Variants in STK32B observed in about 807,000 individuals in gnomAD.
STK32B encodes serine/threonine kinase 32B.
Under a neutral mutation model 52.6 loss-of-function variants are expected in STK32B, and 43 were observed. That is an observed-to-expected ratio of 0.82 (90% CI 0.64 to 1.05). The LOEUF (loss-of-function observed/expected upper bound fraction) is 1.05, where lower values mean the gene tolerates loss of function less well. Ranked by LOEUF, STK32B falls within the 50% of genes least tolerant of loss-of-function variation. The pLI, the probability that STK32B is intolerant of heterozygous loss-of-function variation, is 0.00. For missense variants in STK32B, 621 were observed against 534.6 expected (o/e 1.16, Z -1.59); for synonymous variants, 238 against 204.3 (o/e 1.17, Z -1.41).
At chr4:5,301,739 C>A (rs567398717) in intron 3 of STK32B, among the ~76,000 whole-genome samples, 2 of 121,134 alleles carry the variant, frequency 1.7e-5, no homozygotes, top group South Asian at 2.6e-4. Context: ...GATTTCAGTT[C>A]CATTAGCTTT....
intron 3 of STK32B, among the ~76,000 whole-genome samples, chr4:5,184,955 C>G (rs895844674): frequency 6.6e-6 from 1 of 152,206 alleles, no homozygotes; most frequent in African/African-American, 2.4e-5. Context: ...AGCACTTGTC[C>G]TTTGAGGCTG....
chr4:5,200,241 C>T (rs1012737968), intron 3 of STK32B, among the ~76,000 whole-genome samples: 1 of 151,786 alleles, frequency 6.6e-6, no homozygotes. Context: ...TTTTGATCTG[C>T]ACTCTTCTGC....
intron 6 of STK32B, among the ~76,000 whole-genome samples, chr4:5,443,486 A>G (rs901913014): frequency 2.0e-5 from 3 of 151,874 alleles, no homozygotes; most frequent in Admixed American, 6.6e-5. Flanking sequence ...TGTATTGGTT[A>G]TTCTAGTTAT....
At chr4:5,475,296 G>T (rs1033753022) in intron 11 of STK32B, among the ~76,000 whole-genome samples, 10 of 151,442 alleles carry the variant, frequency 6.6e-5, no homozygotes, top group Admixed American at 1.3e-4. Context: ...GTGGTGGCAG[G>T]CGCCTGTAAT....
chr4:5,307,753 A>T (rs1295102583), intron 3 of STK32B, among the ~76,000 whole-genome samples: 1 of 152,014 alleles, frequency 6.6e-6, no homozygotes, highest in Non-Finnish European at 1.5e-5. Flanking sequence ...ATTTAGGTAG[A>T]GTGTGTCAGA....
intron 9 of STK32B, among the ~76,000 whole-genome samples, chr4:5,461,893 C>T (rs555152983): frequency 3.3e-5 from 5 of 152,344 alleles, no homozygotes; most frequent in Non-Finnish European, 7.3e-5. Context: ...GGTGCTGCCT[C>T]TGAGTTCAGA....
intron 3 of STK32B, among the ~76,000 whole-genome samples, chr4:5,316,780 A>G (rs796871205): frequency 1.9e-4 from 1 of 5,246 alleles, no homozygotes; most frequent in Non-Finnish European, 2.7e-4. Flanking sequence ...TATATTATAT[A>G]TTATACATAT....
At position 5,394,144 on chromosome 4, in the gene STK32B, T is replaced by C. The variant is rs149533929; in HGVS notation, c.435-4063T>C. ...CTGGATCAGAGCCATTTCTATGCTG[T>C]TTTTTAAAATATCCCAGCTGACATT... On this transcript the variant is annotated intron_variant, in intron 4 of 11. Transcript: ENST00000282908. The surrounding 1 kb of genome is among the most constrained non-coding windows in gnomAD (Gnocchi z 4.2). Among the ~76,000 whole-genome samples the C allele has an allele frequency of 1.2e-4, 19 of 152,264 alleles. No individual in the cohort carries two copies. The highest frequency in any genetic ancestry group is 4.1e-4 in the African/African-American group (17 of 41,564).
chr4:5,258,311 G>A (rs1429575306), intron 3 of STK32B, among the ~76,000 whole-genome samples: 2 of 152,162 alleles, frequency 1.3e-5, no homozygotes, highest in Non-Finnish European at 2.9e-5. Flanking sequence ...CAGTACATTG[G>A]GGTGATAATA....
At chr4:5,161,710 G>C (rs1265142303) in intron 2 of STK32B, among the ~76,000 whole-genome samples, 1 of 152,182 alleles carries the variant, frequency 6.6e-6, no homozygotes, top group Non-Finnish European at 1.5e-5. Context: ...AAAGGGGAGA[G>C]TGCATATTGG....
At chr4:5,301,238 T>C (rs1444939446) in intron 3 of STK32B, among the ~76,000 whole-genome samples, 1 of 152,082 alleles carries the variant, frequency 6.6e-6, no homozygotes, top group Non-Finnish European at 1.5e-5. Flanking sequence ...CGTAGTTTTC[T>C]TTCTTATGAT....
chr4:5,489,378 A>ATAAC (rs1719502361), intron 11 of STK32B, among the ~76,000 whole-genome samples: 1 of 152,202 alleles, frequency 6.6e-6, no homozygotes, highest in Non-Finnish European at 1.5e-5. Flanking sequence ...TTTCCTGTCC[A>ATAAC]TAACTCAGAA....
intron 2 of STK32B, among the ~76,000 whole-genome samples, chr4:5,146,064 T>TCC (rs57954718): frequency 1.3e-5 from 2 of 148,764 alleles, no homozygotes; most frequent in African/African-American, 2.5e-5. Flanking sequence ...TTTTTTTTTT[T>TCC]CCCTAGTATG....
chr4:5,340,016 G>A (rs1406674125), intron 4 of STK32B, among the ~76,000 whole-genome samples: 1 of 152,186 alleles, frequency 6.6e-6, no homozygotes, highest in Non-Finnish European at 1.5e-5. Context: ...ATAGCCTAGT[G>A]ACTTCAATAG....
intron 7 of STK32B, among the ~76,000 whole-genome samples, chr4:5,454,601 G>T (rs916532637): frequency 2.0e-4 from 31 of 152,188 alleles, no homozygotes; most frequent in African/African-American, 7.2e-4. Flanking sequence ...ATATGAATTT[G>T]GGGGACACAA....
At chr4:5,285,739 A>G (rs1232797033) in intron 3 of STK32B, among the ~76,000 whole-genome samples, 1 of 152,216 alleles carries the variant, frequency 6.6e-6, no homozygotes, top group African/African-American at 2.4e-5. Flanking sequence ...TCAAATGGTA[A>G]GTAGCACACA....
chr4:5,209,384 G>C (rs1400155316), intron 3 of STK32B, among the ~76,000 whole-genome samples: 4 of 148,072 alleles, frequency 2.7e-5, no homozygotes, highest in Non-Finnish European at 1.5e-5. Flanking sequence ...ACCATGCCTG[G>C]CTAATTTTTT....
chr4:5,108,198 A>G (rs1201181465), intron 1 of STK32B, among the ~76,000 whole-genome samples: 2 of 152,216 alleles, frequency 1.3e-5, no homozygotes, highest in Non-Finnish European at 2.9e-5. Context: ...ACTGATTCAC[A>G]TAGTTGTAAA....
intron 8 of STK32B, among the ~76,000 whole-genome samples, chr4:5,458,119 C>T (rs1716723365): frequency 6.6e-6 from 1 of 152,196 alleles, no homozygotes; most frequent in South Asian, 2.1e-4. Flanking sequence ...TCAGGCTCCA[C>T]CCAGACCTGA....
Sources: gnomAD v4.1 joint callset for allele counts (sites outside exome capture counted in the v4.1 genomes callset) on GRCh38, gnomAD v4.1.1 for gene constraint, Gnocchi (gnomAD v3.1) non-coding constraint, MANE v1.5 for transcripts, NCBI Gene and HGNC (gene_info 2026-07-23, HGNC 2026-07-21) for gene names.